The following SLC14A2 variants were observed in gnomAD, a reference collection of about 807,000 sequenced individuals.
SLC14A2 encodes the protein solute carrier family 14 member 2, also known as urea transporter 2.
Under a neutral mutation model 104.6 loss-of-function variants are expected in SLC14A2, and 91 were observed. That is an observed-to-expected ratio of 0.87 (90% CI 0.73 to 1.04). The LOEUF is 1.04. SLC14A2 is among the 50% of genes least tolerant of loss of function. SLC14A2 has a pLI of 0.00. For synonymous variants in SLC14A2, 476 were observed against 466.4 expected (o/e 1.02, Z -0.27); for missense variants, 1,189 against 1,156.0 (o/e 1.03, Z -0.41).
intron 1 of SLC14A2, among the ~76,000 whole-genome samples, chr18:45,389,384 G>C (rs542758522): frequency 6.6e-6 from 1 of 152,288 alleles, no homozygotes; most frequent in South Asian, 2.1e-4. Context: ...CTCTCCAAAA[G>C]TAATGGTCAA....
intron 1 of SLC14A2, among the ~76,000 whole-genome samples, chr18:45,403,776 A>ATGAATGAATGAATGAG (rs1555682873): frequency 0.11 from 16,339 of 152,054 alleles, 1,144 homozygotes; most frequent in Admixed American, 0.17. Flanking sequence ...GAATGAATGA[A>ATGAATGAATGAATGAG]TGAATGAATA....
At chr18:45,471,721 G>A (rs978327112) in intron 1 of SLC14A2, among the ~76,000 whole-genome samples, 1 of 151,866 alleles carries the variant, frequency 6.6e-6, no homozygotes, top group African/African-American at 2.4e-5. Context: ...CCTAATTTTG[G>A]TGATGACTCT....
intron 1 of SLC14A2, among the ~76,000 whole-genome samples, chr18:45,351,995 C>T (rs1323162551): frequency 1.3e-5 from 2 of 152,108 alleles, no homozygotes; most frequent in African/African-American, 2.4e-5. Flanking sequence ...GTAAAGAAAA[C>T]GTCTCAGTCC....
At chr18:45,410,184 G>A (rs2086199182) in intron 1 of SLC14A2, among the ~76,000 whole-genome samples, 1 of 152,270 alleles carries the variant, frequency 6.6e-6, no homozygotes, top group South Asian at 2.1e-4. Context: ...AAGTGATGGG[G>A]AGTGGCTGTC....
chr18:45,304,906 G>A (rs1013155547), intron 1 of SLC14A2, among the ~76,000 whole-genome samples: 71 of 152,250 alleles, frequency 4.7e-4, no homozygotes, highest in Non-Finnish European at 1.0e-4. Flanking sequence ...TTTGGCACAT[G>A]AATCATGTCT....
chr18:45,593,575 T>C (rs1415946696), intron 2 of SLC14A2, among the ~76,000 whole-genome samples: 6 of 141,828 alleles, frequency 4.2e-5, no homozygotes, highest in African/African-American at 1.3e-4. Flanking sequence ...CTGCAAGCTC[T>C]GCCTCCCGGG....
intron 15 of SLC14A2, 117 bp from the exon 16 acceptor site, chr18:45,669,189 A>T: frequency 1.2e-6 from 1 of 813,456 alleles, no homozygotes; most frequent in African/African-American, 1.7e-5. Flanking sequence ...CAGGCTCCAG[A>T]GAATACCCAG....
the SLC14A2 span, among the ~76,000 whole-genome samples, chr18:45,173,017 T>C: frequency 6.6e-6 from 1 of 152,060 alleles, no homozygotes; most frequent in African/African-American, 2.4e-5. Flanking sequence ...TAAAGAACAA[T>C]GGGTCAATGT....
At chr18:45,257,453 C>G (rs867498892) in intron 1 of SLC14A2, among the ~76,000 whole-genome samples, 7 of 152,170 alleles carry the variant, frequency 4.6e-5, no homozygotes, top group African/African-American at 1.4e-4. Context: ...TAAGTTCTTC[C>G]TCTCTTCTTT....
chr18:45,523,493 CT>C (rs571753663), intron 2 of SLC14A2, among the ~76,000 whole-genome samples: 2,665 of 119,064 alleles, frequency 0.022, 35 homozygotes, highest in African/African-American at 0.049. Context: ...CCACACCCAG[CT>C]TTTTTTTTTT....
At chr18:45,561,782 C>T (rs942838137) in intron 2 of SLC14A2, among the ~76,000 whole-genome samples, 3 of 152,154 alleles carry the variant, frequency 2.0e-5, no homozygotes, top group Admixed American at 6.5e-5. Context: ...ATCTCTAAAA[C>T]ACTATATAGT....
At chr18:45,623,669 G>A (rs2045213295) in intron 1 of SLC14A2, among the ~76,000 whole-genome samples, 1 of 152,244 alleles carries the variant, frequency 6.6e-6, no homozygotes, top group African/African-American at 2.4e-5. Context: ...TGCAATCCTT[G>A]AGCGGTGTCT....
At chr18:45,219,553 G>A (rs923075047) in intron 1 of SLC14A2, among the ~76,000 whole-genome samples, 17 of 152,178 alleles carry the variant, frequency 1.1e-4, no homozygotes, top group Admixed American at 9.2e-4. Flanking sequence ...TTCAGTGGGG[G>A]CTATATGAGA....
chr18:45,349,797 A>G (rs917552240), intron 1 of SLC14A2, among the ~76,000 whole-genome samples: 1 of 152,222 alleles, frequency 6.6e-6, no homozygotes, highest in African/African-American at 2.4e-5. Flanking sequence ...GATTAAGAGA[A>G]CTAACTAGGC....
chr18:45,613,317 T>G (rs2045003931), upstream of SLC14A2, among the ~76,000 whole-genome samples: 1 of 152,180 alleles, frequency 6.6e-6, no homozygotes, highest in Non-Finnish European at 1.5e-5. Context: ...CCACTGCGCC[T>G]GGCCAGCAGT....
intron 2 of SLC14A2, among the ~76,000 whole-genome samples, chr18:45,599,681 C>G (rs1053668665): frequency 6.6e-6 from 1 of 152,100 alleles, no homozygotes; most frequent in Non-Finnish European, 1.5e-5. Context: ...GGCACTGTTC[C>G]GAGCCTGTAT....
At chr18:45,380,881 A>AT (rs1429070244) in intron 1 of SLC14A2, among the ~76,000 whole-genome samples, 3 of 152,260 alleles carry the variant, frequency 2.0e-5, no homozygotes, top group African/African-American at 7.2e-5. Flanking sequence ...TCTAGAAAAC[A>AT]TAAATAACAA....
At chr18:45,233,949 C>G in intron 1 of SLC14A2, among the ~76,000 whole-genome samples, 1 of 151,820 alleles carries the variant, frequency 6.6e-6, no homozygotes, top group East Asian at 1.9e-4. Flanking sequence ...GAGAAATTAG[C>G]TCATTAGCAG....
chr18:45,668,653 C>T (rs938159154), intron 15 of SLC14A2, among the ~76,000 whole-genome samples, 176 bp downstream of exon 15: 48 of 152,222 alleles, frequency 3.2e-4, no homozygotes, highest in Admixed American at 1.9e-3. Context: ...CATGCTAGGT[C>T]TATACACAGT....
Sources: gnomAD v4.1 joint callset for allele counts (sites outside exome capture counted in the v4.1 genomes callset) on GRCh38, gnomAD v4.1.1 for gene constraint, MANE v1.5 for transcripts, NCBI Gene and HGNC (gene_info 2026-07-23, HGNC 2026-07-21) for gene names.